IQGAP1: variants seen among roughly 807,000 people sequenced by gnomAD.
IQGAP1 encodes IQ motif containing GTPase activating protein 1.
A neutral mutation model predicts 215.6 loss-of-function variants in IQGAP1; 66 were observed. The ratio of observed to expected loss-of-function variants is 0.31; its 90% CI spans 0.25 to 0.38. The LOEUF (loss-of-function observed/expected upper bound fraction) is 0.38, where lower values mean the gene tolerates loss of function less well. Among genes scored for constraint, IQGAP1 ranks in the 10% least tolerant of loss-of-function variants. The probability of loss-of-function intolerance (pLI) is 1.00; values close to 1 mark genes in which losing one functional copy is unlikely to be tolerated. For missense variants in IQGAP1, 1,712 were observed against 1,997.1 expected (o/e 0.86, Z 2.72); for synonymous variants, 772 against 728.7 (o/e 1.06, Z -0.96).
intron 6 of IQGAP1, 70 bp downstream of exon 6, chr15:90,439,469 A>C (rs1965418335): frequency 9.6e-6 from 12 of 1,249,780 alleles, no homozygotes; most frequent in Non-Finnish European, 1.3e-5. Flanking sequence ...CAGCAGTACC[A>C]ATTTTGAAGA....
At chr15:90,478,752 G>A (rs1966014021) in intron 26 of IQGAP1, among the ~76,000 whole-genome samples, 1 of 152,050 alleles carries the variant, frequency 6.6e-6, no homozygotes, top group African/African-American at 2.4e-5. Flanking sequence ...GCATAACTAG[G>A]GATACAGTTG....
Position 90,476,902 on chromosome 15 carries a change from A to AGTATTT in IQGAP1, c.2940+85_2940+90dup. 2.0e-6 allele frequency: 3 copies of AGTATTT among 1,480,406 alleles called. No individual in the cohort carries two copies. In the South Asian group the frequency reaches 3.7e-5, roughly 18 times the overall value. 91.7% of individuals were successfully genotyped at this position (1,480,406 alleles called of 1,614,324 possible). A position where few individuals can be genotyped will look rare whatever the true frequency, so the allele number is the denominator to read the frequency against. ...AAGCCTTACCATCGATCTCTCTGGA[A>AGTATTT]GTATTTTTGACTTCCACTGAGGGGT... is the stretch of plus-strand genomic sequence containing the variant. On this transcript the variant is annotated intron_variant, in intron 24 of 37. Transcript: ENST00000268182.
intron 15 of IQGAP1, among the ~76,000 whole-genome samples, chr15:90,460,835 C>T (rs28782602): frequency 0.21 from 31,928 of 151,220 alleles, 4,542 homozygotes; most frequent in African/African-American, 0.41. Flanking sequence ...CCTGTCTTAA[C>T]GAAAAATAAA....
chr15:90,420,760 C>T (rs1040090286), intron 2 of IQGAP1, among the ~76,000 whole-genome samples: 12 of 152,216 alleles, frequency 7.9e-5, no homozygotes, highest in African/African-American at 1.7e-4. Flanking sequence ...GTTTCACTGT[C>T]GCCCAGGCTG....
At chr15:90,493,616 T>A (rs1483439201) in intron 35 of IQGAP1, among the ~76,000 whole-genome samples, 1 of 152,250 alleles carries the variant, frequency 6.6e-6, no homozygotes, top group African/African-American at 2.4e-5. Context: ...GCCCTTCACC[T>A]AGATTCACCC....
At position 90,429,607 on chromosome 15, in the gene IQGAP1, A is replaced by G. The variant is rs1431017174; in HGVS notation, c.331A>G (p.Arg111Gly). The change falls in exon 4 of 38, where the codon AGA (arginine) becomes GGA (glycine). Residue 111 changes from arginine to glycine, a missense_variant. Arg to Gly is a moderately radical substitution (Grantham distance 125). Transcript: ENST00000268182. Reference protein sequence around the residue: ...TRYKATGLHFRHTDNVIQWLN... With the variant: ...TRYKATGLHFGHTDNVIQWLN... Reference sequence around the variant, plus strand: ...TTTCTAGGCGACTGGCCTCCACTTTAGACACACTGATAATGTGATTCAGTG... The same window carrying G: ...TTTCTAGGCGACTGGCCTCCACTTTGGACACACTGATAATGTGATTCAGTG... 1 of 1,606,156 alleles carries G rather than the reference A, an allele frequency of 6.2e-7. No individual in the cohort carries two copies. The highest frequency in any genetic ancestry group is 8.5e-7 in the Non-Finnish European group (1 of 1,177,728).
At chr15:90,399,833 G>A (rs7168898) in intron 2 of IQGAP1, among the ~76,000 whole-genome samples, 23,434 of 151,924 alleles carry the variant, frequency 0.15, 2,045 homozygotes, top group South Asian at 0.23. Flanking sequence ...TTACCTATTA[G>A]CAATTCATGT....
intron 15 of IQGAP1, among the ~76,000 whole-genome samples, chr15:90,462,655 C>T (rs1043370823): frequency 8.5e-5 from 13 of 152,112 alleles, no homozygotes; most frequent in South Asian, 2.1e-4. Context: ...TGAGTGTGTG[C>T]TTTCCATATA....
Position 90,426,037 on chromosome 15 carries a change from T to TAA in IQGAP1, c.156-71_156-70dup. ...TAAGCTTCTCCAAGGAGAATGGAAA[T>TAA]AAAGCTTAAAATCTCTAAGGAAAAG... On this transcript the variant is annotated intron_variant, in intron 2 of 37. Coordinates refer to ENST00000268182, the MANE Select transcript of IQGAP1 (RefSeq NM_003870.4). The TAA allele has an allele frequency of 2.1e-6, 3 of 1,436,680 alleles. No individual in the cohort carries two copies. In the South Asian group the frequency reaches 4.0e-5, roughly 19 times the overall value. The allele number at this position is 1,436,680 out of a possible 1,614,324, so 89.0% of individuals were successfully genotyped here. A position where few individuals can be genotyped will look rare whatever the true frequency, so the allele number is the denominator to read the frequency against.
In IQGAP1 at chr15:90,477,192, C is replaced by T. The variant is rs774945317; in HGVS notation, c.3066C>T (p.Leu1022=). 6 of 1,614,094 alleles carry T rather than the reference C, an allele frequency of 3.7e-6. No individual in the cohort carries two copies. Among genetic ancestry groups the T allele is most frequent in the Non-Finnish European group, 5.1e-6 (6 of 1,180,008 alleles). Residue 1022 remains leucine (L), a synonymous_variant, in exon 25 of 38, where the codon CTC becomes CTT. Coordinates refer to ENST00000268182, the MANE Select transcript of IQGAP1 (RefSeq NM_003870.4). ...CCAACCAGCGAGAGGAGTACCTGCT[C>T]CTGCGGCTCTTTAAGACAGCACTCC... ...YASNQREEYL[L]LRLFKTALQE...
intron 36 of IQGAP1, among the ~76,000 whole-genome samples, chr15:90,495,097 G>T (rs1966253834): frequency 6.6e-6 from 1 of 152,178 alleles, no homozygotes; most frequent in African/African-American, 2.4e-5. Flanking sequence ...CATTAAAGCA[G>T]GAAGCCATTC....
intron 15 of IQGAP1, among the ~76,000 whole-genome samples, chr15:90,462,859 A>G (rs954416823): frequency 6.6e-6 from 1 of 152,180 alleles, no homozygotes; most frequent in African/African-American, 2.4e-5. Flanking sequence ...CTGTGCTTGA[A>G]TATATCTTAG....
intron 3 of IQGAP1, among the ~76,000 whole-genome samples, chr15:90,427,408 C>G (rs1359453294): frequency 1.3e-5 from 2 of 152,028 alleles, no homozygotes. Flanking sequence ...TCCTGTATCT[C>G]AAGGTGCTAT....
chr15:90,487,022 C>T lies in IQGAP1; in HGVS notation c.4093C>T (p.Leu1365=). The T allele has an allele frequency of 6.2e-7, 1 of 1,614,074 alleles. No individual in the cohort carries two copies. The highest frequency in any genetic ancestry group is 8.5e-7 in the Non-Finnish European group (1 of 1,179,940). The part of the protein sequence containing the change: ...ALAKTEVSLT[L]TNKFDVPGDE... The stretch of plus-strand genomic sequence containing the variant: ...GGCTAAGACGGAAGTGTCTCTCACC[C>T]TGACCAACAAGTTCGACGTGCCTGG... Residue 1365 remains leucine (L), a synonymous_variant, in exon 32 of 38, where the codon CTG becomes TTG. Coordinates refer to ENST00000268182, the MANE Select transcript of IQGAP1 (RefSeq NM_003870.4).
At chr15:90,412,841 A>G (rs1242959886) in intron 2 of IQGAP1, among the ~76,000 whole-genome samples, 1 of 152,134 alleles carries the variant, frequency 6.6e-6, no homozygotes, top group Non-Finnish European at 1.5e-5. Context: ...TCCTGGAGGA[A>G]CTGAATCTCA....
chr15:90,486,563 T>G (rs890881699), intron 31 of IQGAP1: 28 of 183,726 alleles, frequency 1.5e-4, no homozygotes, highest in East Asian at 1.6e-4. Flanking sequence ...TGAGTTGTTT[T>G]TTTTTTTTTT....
chr15:90,450,679 G>A (rs1965591007), intron 11 of IQGAP1, among the ~76,000 whole-genome samples: 1 of 151,664 alleles, frequency 6.6e-6, no homozygotes. Flanking sequence ...TGGTTTTGAT[G>A]TGTATTTCCC....
At chr15:90,400,959 G>A (rs1964795844) in intron 2 of IQGAP1, among the ~76,000 whole-genome samples, 1 of 152,178 alleles carries the variant, frequency 6.6e-6, no homozygotes, top group Non-Finnish European at 1.5e-5. Context: ...TTTCTAGCTG[G>A]TGCTAAATAA....
chr15:90,456,298 AAG>A lies in IQGAP1; in HGVS notation c.1767_1768del (p.Lys590SerfsTer7). On this transcript the variant is annotated frameshift_variant, in exon 15 of 38. Coordinates refer to ENST00000268182, the MANE Select transcript of IQGAP1 (RefSeq NM_003870.4). LOFTEE classifies it high-confidence loss of function. ...TTACCAAGACACGCTGATTAGAGCG[AAG>A]AGAGAGAAAGCCCAGGTGAGTGGCA... ...QHYQDTLIRA[K>X]REKAQEIQDE... 6.2e-7 allele frequency: 1 copy of A among 1,613,994 alleles called. No homozygotes were observed. The highest frequency in any genetic ancestry group is 8.5e-7 in the Non-Finnish European group (1 of 1,179,924).
Sources: allele counts gnomAD v4.1 joint callset (sites outside exome capture counted in the v4.1 genomes callset), GRCh38; gene constraint gnomAD v4.1.1; transcripts MANE v1.5; gene names NCBI Gene and HGNC (gene_info 2026-07-23, HGNC 2026-07-21).